The following ZFP1 variants were observed in gnomAD, a reference collection of about 807,000 sequenced individuals.
ZFP1 encodes zinc finger protein 1 homolog.
Under a neutral mutation model 38.5 loss-of-function variants are expected in ZFP1, and 32 were observed. The ratio of observed to expected loss-of-function variants is 0.83; its 90% CI spans 0.63 to 1.12. The LOEUF (loss-of-function observed/expected upper bound fraction) is 1.12. Among genes scored for constraint, ZFP1 ranks in the 50% most tolerant of loss-of-function variants. The probability of loss-of-function intolerance (pLI) is 0.00; values close to 1 mark genes in which losing one functional copy is unlikely to be tolerated. For synonymous variants in ZFP1, 245 were observed against 168.8 expected (o/e 1.45, Z -3.50); for missense variants, 616 against 480.8 (o/e 1.28, Z -2.63).
intron 2 of ZFP1, among the ~76,000 whole-genome samples, chr16:75,163,411 A>G (rs1045025640): frequency 1.3e-5 from 2 of 151,422 alleles, no homozygotes; most frequent in Admixed American, 1.3e-4. Context: ...TCCCGGGTTC[A>G]AGCAATTCTC....
At chr16:75,136,796 A>C in the ZFP1 span, among the ~76,000 whole-genome samples, 1 of 152,154 alleles carries the variant, frequency 6.6e-6, no homozygotes, top group South Asian at 2.1e-4. Context: ...GCTTGAGTCC[A>C]GGAGTTCAAG....
intron 2 of ZFP1, among the ~76,000 whole-genome samples, chr16:75,161,112 G>A (rs1050367647): frequency 1.3e-5 from 2 of 151,968 alleles, no homozygotes; most frequent in African/African-American, 4.8e-5. Flanking sequence ...TTGTTGCCCA[G>A]GCTGTAGTGC....
At chr16:75,151,119 A>G (rs2037183318) in intron 1 of ZFP1, among the ~76,000 whole-genome samples, 1 of 151,606 alleles carries the variant, frequency 6.6e-6, no homozygotes, top group African/African-American at 2.4e-5. Flanking sequence ...TTTGCCTCCC[A>G]AAGTGCTGGG....
intron 2 of ZFP1, among the ~76,000 whole-genome samples, chr16:75,163,764 A>G (rs1029118112): frequency 2.0e-5 from 3 of 151,954 alleles, no homozygotes; most frequent in Admixed American, 1.3e-4. Flanking sequence ...GGTGTGCACC[A>G]CCACGTCCAG....
chr16:75,137,461 CT>C, the ZFP1 span, among the ~76,000 whole-genome samples: 192 of 89,400 alleles, frequency 2.1e-3, 1 homozygote, highest in East Asian at 9.1e-3. Flanking sequence ...AAAAAAAATT[CT>C]TTTTTTTTTT....
At chr16:75,151,984 C>G (rs2037227554) in intron 1 of ZFP1, among the ~76,000 whole-genome samples, 1 of 151,982 alleles carries the variant, frequency 6.6e-6, no homozygotes, top group Non-Finnish European at 1.5e-5. Context: ...TAGTTTTTTG[C>G]TTTAGTTGCT....
rs1360540580 is a variant in ZFP1, at chr16:75,169,609, C to T, written c.499C>T (p.His167Tyr). 6 of 1,594,044 alleles carry T rather than the reference C, an allele frequency of 3.8e-6. No homozygotes were observed. Among genetic ancestry groups the T allele is most frequent in the Non-Finnish European group, 4.3e-6 (5 of 1,174,300 alleles). The change falls in exon 4 of 4, where the codon CAT (histidine) becomes TAT (tyrosine). Residue 167 changes from histidine to tyrosine, a missense_variant. Physicochemically the swap from His to Tyr is moderately conservative, Grantham distance 83 (BLOSUM62 2). Coordinates refer to ENST00000570010, the MANE Select transcript of ZFP1 (RefSeq NM_153688.4). The part of the protein sequence containing the change: ...EYNKSGKALS[H>Y]KAAIFKHQKI... ...CAATAAAAGTGGAAAAGCCCTCAGC[C>T]ATAAAGCAGCCATTTTTAAACATCA...
At chr16:75,149,218 A>G in intron 1 of ZFP1, 1 of 152,246 alleles carries the variant, frequency 6.6e-6, no homozygotes, top group Non-Finnish European at 1.5e-5. Context: ...CGGGAGGTTC[A>G]GAAGGGGAAA....
chr16:75,142,173 T>G, the ZFP1 span, among the ~76,000 whole-genome samples: 5 of 144,216 alleles, frequency 3.5e-5, no homozygotes, highest in Non-Finnish European at 3.0e-5. Context: ...CTGGCCAACA[T>G]GGTGAAACCC....
chr16:75,155,019 G>A (rs189615330), intron 2 of ZFP1, among the ~76,000 whole-genome samples: 2 of 152,062 alleles, frequency 1.3e-5, no homozygotes, highest in African/African-American at 2.4e-5. Context: ...GGCTGGTCTC[G>A]AACTCCTGGG....
At chr16:75,123,625 A>G in the ZFP1 span, among the ~76,000 whole-genome samples, 1 of 150,016 alleles carries the variant, frequency 6.7e-6, no homozygotes, top group South Asian at 2.1e-4. Flanking sequence ...CTACAGATGC[A>G]TGCCACCATG....
chr16:75,144,588 A>C (rs2036923699), upstream of ZFP1, among the ~76,000 whole-genome samples: 1 of 152,192 alleles, frequency 6.6e-6, no homozygotes, highest in Admixed American at 6.5e-5. Flanking sequence ...CTTCAGAAAA[A>C]TTTGATGTGT....
At chr16:75,147,862 A>T (rs371422668), upstream of ZFP1, among the ~76,000 whole-genome samples, 4 of 152,356 alleles carry the variant, frequency 2.6e-5, no homozygotes, top group African/African-American at 9.6e-5. Flanking sequence ...ATGTGACGAT[A>T]GTTGACAATA....
chr16:75,165,292 A>T (rs1355704439), intron 2 of ZFP1, among the ~76,000 whole-genome samples: 1 of 152,178 alleles, frequency 6.6e-6, no homozygotes, highest in East Asian at 1.9e-4. Flanking sequence ...AACTCATTCT[A>T]AATACTTTCA....
the ZFP1 span, chr16:75,132,547 A>G: frequency 6.6e-6 from 1 of 151,986 alleles, no homozygotes; most frequent in Non-Finnish European, 1.5e-5. Flanking sequence ...CTCTGATGGA[A>G]CCATGCTAGA....
At chr16:75,147,668 T>C (rs1233513600), upstream of ZFP1, among the ~76,000 whole-genome samples, 6 of 152,066 alleles carry the variant, frequency 3.9e-5, no homozygotes, top group Non-Finnish European at 8.8e-5. Context: ...GGGGAGGTTG[T>C]GTGTGCTGGG....
At chr16:75,153,095 C>G in intron 2 of ZFP1, 129 bp downstream of exon 2, 2 of 1,257,422 alleles carry the variant, frequency 1.6e-6, no homozygotes, top group South Asian at 3.0e-5. Flanking sequence ...CTAATCAATA[C>G]CAGCAGCCAA....
At chr16:75,124,912 G>C in the ZFP1 span, among the ~76,000 whole-genome samples, 1 of 135,874 alleles carries the variant, frequency 7.4e-6, no homozygotes, top group African/African-American at 2.8e-5. Flanking sequence ...AATTTCATAT[G>C]AGAAAGAATT....
intron 2 of ZFP1, among the ~76,000 whole-genome samples, chr16:75,162,171 G>A (rs1000740629): frequency 6.6e-5 from 10 of 152,026 alleles, no homozygotes; most frequent in African/African-American, 2.4e-4. Context: ...CACCCAGGCT[G>A]GAGTGTGGTG....
Sources: allele counts gnomAD v4.1 joint callset (sites outside exome capture counted in the v4.1 genomes callset), GRCh38; gene constraint gnomAD v4.1.1; transcripts MANE v1.5; gene names NCBI Gene and HGNC (gene_info 2026-07-23, HGNC 2026-07-21).